Variants in CCDC91 observed in about 807,000 individuals in gnomAD.
The protein encoded by CCDC91 is coiled-coil domain-containing protein 91.
Under a neutral mutation model 63.2 loss-of-function variants are expected in CCDC91, and 48 were observed. The ratio of observed to expected loss-of-function variants is 0.76; its 90% CI spans 0.60 to 0.97. The LOEUF (loss-of-function observed/expected upper bound fraction) is 0.97. Among genes scored for constraint, CCDC91 ranks in the 50% least tolerant of loss-of-function variants. The probability of loss-of-function intolerance (pLI) is 0.00; values close to 1 mark genes in which losing one functional copy is unlikely to be tolerated. For missense variants in CCDC91, 500 were observed against 494.6 expected, an observed-to-expected ratio of 1.01 and a Z score of -0.10; for synonymous variants, 167 against 165.8, an observed-to-expected ratio of 1.01 and a Z score of -0.06.
chr12:28,321,195 G>A lies in CCDC91; in HGVS notation c.576+13446G>A, dbSNP rs536206591. ...GCTCTCTATTTGAAAGCCACTTGCT[G>A]AGACAGCCTTTTTCTGACCCTTCTG... On this transcript the variant is annotated intron_variant, in intron 6 of 12. Transcript: ENST00000536442. 9.2e-5 allele frequency among the ~76,000 whole-genome samples: 14 copies of A among 151,896 alleles called. 1 individual carries two copies. The East Asian group carries it at 2.7e-3, about 30-fold the overall frequency.
At chr12:28,453,759 G>A (rs1020506970) in intron 11 of CCDC91, among the ~76,000 whole-genome samples, 7 of 152,136 alleles carry the variant, frequency 4.6e-5, no homozygotes, top group Middle Eastern at 3.4e-3. Flanking sequence ...ACTTCAGTTG[G>A]TTGGAATTTC....
At chr12:28,308,981 T>C (rs1939034091) in intron 6 of CCDC91, among the ~76,000 whole-genome samples, 1 of 151,976 alleles carries the variant, frequency 6.6e-6, no homozygotes, top group Admixed American at 6.6e-5. Context: ...ATTTTCAAGC[T>C]TCTCCAGTTT....
At chr12:28,216,795 A>T (rs940068069) in intron 1 of CCDC91, among the ~76,000 whole-genome samples, 1 of 152,074 alleles carries the variant, frequency 6.6e-6, no homozygotes, top group African/African-American at 2.4e-5. Context: ...GGAAGTAAAT[A>T]GAATGTTACT....
chr12:28,236,179 A>G (rs1944937967), intron 1 of CCDC91: 2 of 152,088 alleles, frequency 1.3e-5, no homozygotes, highest in Admixed American at 6.6e-5. Flanking sequence ...GAACATAATT[A>G]ATGATGATGT....
At chr12:28,274,092 C>T (rs1026803889) in intron 3 of CCDC91, among the ~76,000 whole-genome samples, 28 of 152,048 alleles carry the variant, frequency 1.8e-4, no homozygotes, top group Non-Finnish European at 3.2e-4. Flanking sequence ...ATTTATTAAA[C>T]AGGGAATCGT....
At chr12:28,461,730 A>G (rs1035639759) in intron 11 of CCDC91, among the ~76,000 whole-genome samples, 13 of 152,118 alleles carry the variant, frequency 8.5e-5, no homozygotes, top group Admixed American at 6.5e-5. Context: ...ATTTAGCTCT[A>G]TGTCTTTCAC....
intron 12 of CCDC91, among the ~76,000 whole-genome samples, chr12:28,544,289 T>C (rs1942833860): frequency 6.6e-6 from 1 of 151,760 alleles, no homozygotes; most frequent in South Asian, 2.1e-4. Flanking sequence ...AGTTTTTTCC[T>C]TGTGTTTCCA....
intron 6 of CCDC91, among the ~76,000 whole-genome samples, chr12:28,349,174 T>A (rs1205920946): frequency 6.6e-6 from 1 of 152,194 alleles, no homozygotes; most frequent in Non-Finnish European, 1.5e-5. Flanking sequence ...TTTGAGGATG[T>A]TAATATTATT....
chr12:28,268,693 T>C (rs769282707), intron 3 of CCDC91: 1 of 983,644 alleles, frequency 1.0e-6, no homozygotes, highest in Non-Finnish European at 1.2e-6. Flanking sequence ...CTTCAGAGGG[T>C]AGAAGTCATC....
intron 6 of CCDC91, among the ~76,000 whole-genome samples, chr12:28,344,359 A>G (rs1276754600): frequency 6.6e-6 from 1 of 152,130 alleles, no homozygotes; most frequent in Non-Finnish European, 1.5e-5. Context: ...TCCAATGAAT[A>G]TGTATTAGAA....
At chr12:28,355,482 TATC>T (rs1943464008) in intron 6 of CCDC91, among the ~76,000 whole-genome samples, 1 of 152,208 alleles carries the variant, frequency 6.6e-6, no homozygotes, top group African/African-American at 2.4e-5. Context: ...GTTGTAAACA[TATC>T]ATCTTCTCTT....
At chr12:28,501,697 G>C (rs990658219) in intron 12 of CCDC91, among the ~76,000 whole-genome samples, 6 of 151,790 alleles carry the variant, frequency 4.0e-5, no homozygotes, top group Non-Finnish European at 8.8e-5. Flanking sequence ...GCCTGGCTTT[G>C]GTATCAGGAC....
intron 3 of CCDC91, among the ~76,000 whole-genome samples, chr12:28,284,512 T>C (rs933962766): frequency 1.3e-4 from 20 of 151,732 alleles, no homozygotes; most frequent in Non-Finnish European, 2.8e-4. Context: ...ATTAGCCAGG[T>C]GTGGTGGCAC....
chr12:28,368,204 G>T (rs1010452384), intron 7 of CCDC91, among the ~76,000 whole-genome samples: 1 of 152,148 alleles, frequency 6.6e-6, no homozygotes, highest in African/African-American at 2.4e-5. Context: ...ACAGAAATAT[G>T]ATAGACGTTT....
chr12:28,534,923 C>T (rs1942031391), intron 12 of CCDC91, among the ~76,000 whole-genome samples: 1 of 152,144 alleles, frequency 6.6e-6, no homozygotes, highest in South Asian at 2.1e-4. Context: ...TCTGCTATCA[C>T]CAAAAGACTA....
intron 6 of CCDC91, among the ~76,000 whole-genome samples, chr12:28,318,251 G>A (rs1269867244): frequency 1.3e-5 from 2 of 151,706 alleles, no homozygotes; most frequent in Non-Finnish European, 2.9e-5. Flanking sequence ...TATTAGTACG[G>A]TGGTTCATAT....
chr12:28,340,620 G>A (rs1017817938), intron 6 of CCDC91, among the ~76,000 whole-genome samples: 6 of 152,176 alleles, frequency 3.9e-5, no homozygotes, highest in African/African-American at 1.4e-4. Flanking sequence ...CTTGCAGGGT[G>A]TGTAATGGGG....
At chr12:28,439,080 C>T (rs1458042471) in intron 8 of CCDC91, among the ~76,000 whole-genome samples, 1 of 152,154 alleles carries the variant, frequency 6.6e-6, no homozygotes, top group Non-Finnish European at 1.5e-5. Context: ...TAATCACTCC[C>T]TTAAGTCAAA....
At chr12:28,267,805 G>A (rs370320187) in intron 3 of CCDC91, among the ~76,000 whole-genome samples, 26 of 17,748 alleles carry the variant, frequency 1.5e-3, no homozygotes, top group East Asian at 5.1e-3. Context: ...TAATTATATA[G>A]TAATATATAA....
Sources: allele counts gnomAD v4.1 joint callset (sites outside exome capture counted in the v4.1 genomes callset), GRCh38; gene constraint gnomAD v4.1.1; transcripts MANE v1.5; gene names NCBI Gene and HGNC (gene_info 2026-07-23, HGNC 2026-07-21).